ISM1: variants seen among roughly 807,000 people sequenced by gnomAD.
ISM1 encodes the protein isthmin-1.
A neutral mutation model predicts 46.3 loss-of-function variants in ISM1; 25 were observed. That is an observed-to-expected ratio of 0.54 (90% CI 0.39 to 0.75). The LOEUF (loss-of-function observed/expected upper bound fraction) is 0.75, where lower values mean the gene tolerates loss of function less well. Ranked by LOEUF, ISM1 falls within the 30% of genes least tolerant of loss-of-function variation. The probability of loss-of-function intolerance (pLI) is 0.00; values close to 1 mark genes in which losing one functional copy is unlikely to be tolerated. For synonymous variants in ISM1, 255 were observed against 256.7 expected (o/e 0.99, Z 0.06); for missense variants, 536 against 625.4 (o/e 0.86, Z 1.52).
rs1289402313 is a variant in ISM1, at chr20:13,221,568, GCGGCGGCGC to G, written c.-204_-196del. Among the ~76,000 whole-genome samples, 1 of 145,192 alleles carries G rather than the reference GCGGCGGCGC, an allele frequency of 6.9e-6. No individual in the cohort carries two copies. Among genetic ancestry groups the G allele is most frequent in the Non-Finnish European group, 1.5e-5 (1 of 65,358 alleles). On this transcript the variant is annotated 5_prime_UTR_variant, in exon 1 of 6. Transcript: ENST00000262487. ...CCGCCGTGGTGCGGCGGCGGCGGCGGCGGCGGCGCCGGCAGCTCCTGCTCCCCCGGCCCC... is the reference window on the plus strand; with the variant it reads ...CCGCCGTGGTGCGGCGGCGGCGGCGGCGGCAGCTCCTGCTCCCCCGGCCCC...
chr20:13,300,089 G>T lies in ISM1; in HGVS notation c.*630G>T, dbSNP rs1197535272. 6.6e-6 allele frequency: 1 copy of T among 152,180 alleles called. No homozygotes were observed. Among genetic ancestry groups the T allele is most frequent in the Non-Finnish European group, 1.5e-5 (1 of 68,054 alleles). The allele number at this position is 152,180 out of a possible 1,614,324, so 9.4% of individuals were successfully genotyped here. ...CTTGCTGGAGTCTCAGATTCCAAAA[G>T]TCTCTTCTTCAGACTGGGTAGGGAA... is the stretch of plus-strand genomic sequence containing the variant. On this transcript the variant is annotated 3_prime_UTR_variant, in exon 6 of 6. Coordinates refer to ENST00000262487, the MANE Select transcript of ISM1 (RefSeq NM_080826.2).
At chr20:13,290,033 G>C (rs1244067682) in intron 4 of ISM1, among the ~76,000 whole-genome samples, 1 of 152,190 alleles carries the variant, frequency 6.6e-6, no homozygotes, top group East Asian at 1.9e-4. Flanking sequence ...GGAAGAATCA[G>C]ATTGGAATGA....
chr20:13,315,916 T>G, the ISM1 span, among the ~76,000 whole-genome samples: 3 of 151,852 alleles, frequency 2.0e-5, no homozygotes, highest in African/African-American at 7.2e-5. Context: ...AGAAAACATC[T>G]CAAGACAAAC....
the ISM1 span, among the ~76,000 whole-genome samples, chr20:13,323,163 T>C: frequency 6.6e-6 from 1 of 151,896 alleles, no homozygotes; most frequent in African/African-American, 2.4e-5. Flanking sequence ...AGAGCTACAG[T>C]CCCCAAATAT....
chr20:13,234,645 TTC>T (rs375747861), intron 1 of ISM1, among the ~76,000 whole-genome samples: 19 of 152,386 alleles, frequency 1.2e-4, no homozygotes, highest in African/African-American at 4.3e-4. Context: ...ACAATAGCTA[TTC>T]TGACTTGTGT....
At chr20:13,300,902 C>A (rs909169874), downstream of ISM1, among the ~76,000 whole-genome samples, 8 of 152,212 alleles carry the variant, frequency 5.3e-5, no homozygotes. Context: ...CAAACCAGAG[C>A]AAAGGCTTAA....
At chr20:13,226,662 T>C (rs2039528657) in intron 1 of ISM1, among the ~76,000 whole-genome samples, 1 of 152,230 alleles carries the variant, frequency 6.6e-6, no homozygotes, top group Admixed American at 6.5e-5. Flanking sequence ...TGTCTGATAG[T>C]TGGTGCTTGC....
the ISM1 span, among the ~76,000 whole-genome samples, chr20:13,323,094 G>A: frequency 6.6e-6 from 1 of 152,072 alleles, no homozygotes; most frequent in Admixed American, 6.5e-5. Context: ...GCGTCTCGGA[G>A]GAAAAATAGG....
At chr20:13,323,085 C>T in the ISM1 span, among the ~76,000 whole-genome samples, 1 of 151,942 alleles carries the variant, frequency 6.6e-6, no homozygotes, top group Admixed American at 6.6e-5. Flanking sequence ...TGTGTCACAG[C>T]GTCTCGGAGG....
chr20:13,293,995 G>GA (rs967888820), intron 5 of ISM1, among the ~76,000 whole-genome samples: 4 of 151,408 alleles, frequency 2.6e-5, no homozygotes, highest in African/African-American at 9.7e-5. Flanking sequence ...GAAAGAAAAA[G>GA]AAAAAAAAGA....
the ISM1 span, among the ~76,000 whole-genome samples, chr20:13,322,850 C>T: frequency 6.6e-6 from 1 of 152,170 alleles, no homozygotes; most frequent in Non-Finnish European, 1.5e-5. Flanking sequence ...AGCCACAGAT[C>T]TGGATAAGCT....
chr20:13,316,248 AACAG>A, the ISM1 span, among the ~76,000 whole-genome samples: 1 of 152,120 alleles, frequency 6.6e-6, no homozygotes, highest in East Asian at 1.9e-4. Context: ...CACAAGAAGG[AACAG>A]ACAATCTGAA....
At chr20:13,278,720 AT>A in intron 2 of ISM1, among the ~76,000 whole-genome samples, 1 of 152,322 alleles carries the variant, frequency 6.6e-6, no homozygotes, top group East Asian at 1.9e-4. Flanking sequence ...TGGGTCAGGA[AT>A]TTGACTGGGA....
intron 1 of ISM1, among the ~76,000 whole-genome samples, chr20:13,255,271 A>G (rs1568672649): frequency 1.3e-5 from 2 of 152,178 alleles, no homozygotes; most frequent in Non-Finnish European, 2.9e-5. Flanking sequence ...GAATTTGAAA[A>G]AATGGATAAA....
intron 3 of ISM1, 23 bp from the exon 4 acceptor site, chr20:13,288,517 C>A: frequency 6.2e-7 from 1 of 1,610,522 alleles, no homozygotes; most frequent in Non-Finnish European, 8.5e-7. Flanking sequence ...AAGTTGATGA[C>A]CATCTCCCTG....
the ISM1 span, among the ~76,000 whole-genome samples, chr20:13,321,253 T>TAAAAAAAAAAAAAAAA: frequency 8.4e-3 from 484 of 57,468 alleles, 29 homozygotes; most frequent in Non-Finnish European, 0.012. Context: ...GTGCCCCACA[T>TAAAAAAAAAAAAAAAA]AAAAAAAAAA....
intron 1 of ISM1, among the ~76,000 whole-genome samples, chr20:13,230,765 A>G (rs2123135228): frequency 6.6e-6 from 1 of 152,084 alleles, no homozygotes; most frequent in Non-Finnish European, 1.5e-5. Context: ...AGAAAAGAAA[A>G]GAAAAAAAAA....
chr20:13,289,672 AG>A (rs1166983454), intron 4 of ISM1, among the ~76,000 whole-genome samples: 2 of 96,366 alleles, frequency 2.1e-5, no homozygotes, highest in East Asian at 5.3e-4. Flanking sequence ...GAGGAGGAGG[AG>A]GGGGAGGAGG....
intron 2 of ISM1, among the ~76,000 whole-genome samples, chr20:13,274,391 T>G (rs1426421211): frequency 6.6e-6 from 1 of 152,100 alleles, no homozygotes; most frequent in Non-Finnish European, 1.5e-5. Flanking sequence ...TGAAGTCAGG[T>G]GAGGGGCCCT....
Sources: gnomAD v4.1 joint callset for allele counts (sites outside exome capture counted in the v4.1 genomes callset) on GRCh38, gnomAD v4.1.1 for gene constraint, MANE v1.5 for transcripts, NCBI Gene and HGNC (gene_info 2026-07-23, HGNC 2026-07-21) for gene names.